CCDC60: variants seen among roughly 807,000 people sequenced by gnomAD.
The protein encoded by CCDC60 is coiled-coil domain-containing protein 60.
CCDC60 carries 54 observed loss-of-function variants against 63.5 expected under a neutral mutation model. That is an observed-to-expected ratio of 0.85 (90% CI 0.68 to 1.07). The LOEUF (loss-of-function observed/expected upper bound fraction) is 1.07, where lower values mean the gene tolerates loss of function less well. Ranked by LOEUF, CCDC60 falls within the 50% of genes least tolerant of loss-of-function variation. The pLI, the probability that CCDC60 is intolerant of heterozygous loss-of-function variation, is 0.00. For synonymous variants in CCDC60, 206 were observed against 238.8 expected, an observed-to-expected ratio of 0.86 and a Z score of 1.27; for missense variants, 651 against 684.3, an observed-to-expected ratio of 0.95 and a Z score of 0.54.
chr12:119,377,254 CAAA>C (rs60100165), intron 1 of CCDC60, among the ~76,000 whole-genome samples: 3 of 47,454 alleles, frequency 6.3e-5, no homozygotes, highest in African/African-American at 1.6e-4. Flanking sequence ...CACTCCATCT[CAAA>C]AAAAAAAAAA....
chr12:119,526,094 G>T (rs1376230777), intron 11 of CCDC60, among the ~76,000 whole-genome samples: 2 of 152,078 alleles, frequency 1.3e-5, no homozygotes, highest in South Asian at 2.1e-4. Context: ...AGAACAGAGA[G>T]CCCAGAGTAA....
chr12:119,358,151 C>T (rs911170239), intron 1 of CCDC60, among the ~76,000 whole-genome samples: 1 of 152,118 alleles, frequency 6.6e-6, no homozygotes, highest in East Asian at 1.9e-4. Flanking sequence ...CCCACCAGGC[C>T]CCACCTCCAA....
Position 119,530,995 on chromosome 12 carries a change from C to T in CCDC60, c.1483C>T (p.Leu495Phe). The change falls in exon 13 of 14, where the codon CTC becomes TTC. Residue 495 changes from leucine to phenylalanine, a missense_variant. By Grantham distance (22) the Leu-to-Phe change is conservative. Transcript: ENST00000327554. ...GGACTTGCGGATTCGACCCCATGTCCTCCTGAAGGTGCTGCAGGATCTGAG... is the reference window on the plus strand; with the variant it reads ...GGACTTGCGGATTCGACCCCATGTCTTCCTGAAGGTGCTGCAGGATCTGAG... ...NLDLRIRPHV[L>F]LKVLQDLRIW... is the part of the protein sequence containing the mutation. 1 of 1,614,148 alleles carries T rather than the reference C, an allele frequency of 6.2e-7. No homozygotes were observed. The highest frequency in any genetic ancestry group is 8.5e-7 in the Non-Finnish European group (1 of 1,179,986).
At chr12:119,376,635 T>A (rs186696442) in intron 1 of CCDC60, among the ~76,000 whole-genome samples, 1 of 151,638 alleles carries the variant, frequency 6.6e-6, no homozygotes, top group African/African-American at 2.4e-5. Flanking sequence ...CTCAAAAAAA[T>A]AAAATAAAAT....
chr12:119,521,536 G>A lies in CCDC60; in HGVS notation c.1040+1344G>A, dbSNP rs190426999. ...GCTATGAGTTGGAAAAGGTGGGAAT[G>A]CTGTTCCAAGCAGGGGGAATAGTGT... On this transcript the variant is annotated intron_variant, in intron 9 of 13. Transcript: ENST00000327554. Among the ~76,000 whole-genome samples the A allele has an allele frequency of 1.1e-4, 16 of 152,252 alleles. No homozygotes were observed. In the East Asian group the frequency reaches 2.9e-3, roughly 28 times the overall value.
intron 1 of CCDC60, among the ~76,000 whole-genome samples, chr12:119,399,268 T>C (rs1956343797): frequency 6.6e-6 from 1 of 152,144 alleles, no homozygotes; most frequent in African/African-American, 2.4e-5. Context: ...CATGGGGTGC[T>C]CAAAAGGAGA....
intron 1 of CCDC60, among the ~76,000 whole-genome samples, chr12:119,401,663 G>A (rs1210842989): frequency 6.6e-6 from 1 of 152,164 alleles, no homozygotes. Context: ...ACTTTTGGAA[G>A]GTTGAATTTA....
chr12:119,472,123 C>G lies in CCDC60; in HGVS notation c.300C>G (p.Ala100=), dbSNP rs753492770. 4 of 1,613,978 alleles carry G rather than the reference C, an allele frequency of 2.5e-6. No individual in the cohort carries two copies. Among genetic ancestry groups the G allele is most frequent in the Non-Finnish European group, 3.4e-6 (4 of 1,180,024 alleles). The change falls in exon 3 of 14, where the codon GCC becomes GCG. Residue 100 remains alanine, a synonymous_variant. Transcript: ENST00000327554. ...KEEERNKFQP[A]EKISEIHYGD... is the part of the protein sequence containing the mutation. ...AGGAAAGAAATAAATTCCAGCCAGCCGAAAAGATCTCAGAAATCCACTATG... is the reference window on the plus strand; with the variant it reads ...AGGAAAGAAATAAATTCCAGCCAGCGGAAAAGATCTCAGAAATCCACTATG...
At chr12:119,461,322 A>T (rs1950853221) in intron 2 of CCDC60, among the ~76,000 whole-genome samples, 1 of 152,140 alleles carries the variant, frequency 6.6e-6, no homozygotes, top group African/African-American at 2.4e-5. Flanking sequence ...TGATTCAGAG[A>T]GGTTTAAAAC....
At chr12:119,339,866 G>T (rs1327717724) in intron 1 of CCDC60, among the ~76,000 whole-genome samples, 3 of 152,042 alleles carry the variant, frequency 2.0e-5, no homozygotes, top group Non-Finnish European at 4.4e-5. Flanking sequence ...CTCCAGCTGG[G>T]GTGTCAGAGC....
intron 1 of CCDC60, among the ~76,000 whole-genome samples, chr12:119,383,581 G>A (rs4131869): frequency 0.076 from 11,528 of 152,322 alleles, 513 homozygotes; most frequent in Middle Eastern, 0.15. Flanking sequence ...AAGGAGCCAG[G>A]ATAGAGAAAG....
chr12:119,456,975 C>G lies in CCDC60; in HGVS notation c.171-15019C>G, dbSNP rs1235033928. ...TGTCTGGGAATGCAGCCCAGTAGGT[C>G]TCAGCATCATTTTACCTAGCCCCAT... On this transcript the variant is annotated intron_variant, in intron 2 of 13. Transcript: ENST00000327554. The surrounding 1 kb of genome is among the most constrained non-coding windows in gnomAD (Gnocchi z 4.6). 6.6e-6 allele frequency among the ~76,000 whole-genome samples: 1 copy of G among 152,224 alleles called. No homozygotes were observed. The highest frequency in any genetic ancestry group is 1.5e-5 in the Non-Finnish European group (1 of 68,040).
intron 2 of CCDC60, among the ~76,000 whole-genome samples, chr12:119,458,057 AT>A (rs1950780853): frequency 6.6e-6 from 1 of 152,042 alleles, no homozygotes; most frequent in Non-Finnish European, 1.5e-5. Flanking sequence ...TCATTCCATC[AT>A]TTTTGCCCTC....
chr12:119,388,828 C>T (rs1956104409), intron 1 of CCDC60, among the ~76,000 whole-genome samples: 1 of 152,158 alleles, frequency 6.6e-6, no homozygotes, highest in Non-Finnish European at 1.5e-5. Flanking sequence ...GACATGCTTT[C>T]TAAATGGTGT....
intron 12 of CCDC60, among the ~76,000 whole-genome samples, 195 bp from the exon 13 acceptor site, chr12:119,530,679 A>T (rs1854092978): frequency 6.6e-6 from 1 of 152,182 alleles, no homozygotes; most frequent in Admixed American, 6.5e-5. Context: ...AATGCAAGTC[A>T]TTCTCCATCT....
chr12:119,408,734 G>C (rs1956539489), intron 1 of CCDC60, among the ~76,000 whole-genome samples: 1 of 152,126 alleles, frequency 6.6e-6, no homozygotes, highest in African/African-American at 2.4e-5. Flanking sequence ...GCTGAGGCAG[G>C]AGAATGGTGT....
intron 1 of CCDC60, among the ~76,000 whole-genome samples, chr12:119,424,184 G>A (rs1355313495): frequency 6.6e-6 from 1 of 152,066 alleles, no homozygotes; most frequent in Non-Finnish European, 1.5e-5. Flanking sequence ...AACCTAATTT[G>A]TATCAGATCA....
intron 1 of CCDC60, among the ~76,000 whole-genome samples, chr12:119,368,012 T>C (rs1206575273): frequency 6.6e-6 from 1 of 150,746 alleles, no homozygotes; most frequent in African/African-American, 2.4e-5. Flanking sequence ...AATGGGTGAA[T>C]TGTATTGTGT....
intron 5 of CCDC60, among the ~76,000 whole-genome samples, chr12:119,491,450 T>C (rs1951581650): frequency 1.3e-5 from 2 of 152,182 alleles, no homozygotes; most frequent in Admixed American, 6.5e-5. Flanking sequence ...TGCCTCAGCC[T>C]CCTGAGCAGC....
Sources: allele counts gnomAD v4.1 joint callset (sites outside exome capture counted in the v4.1 genomes callset), GRCh38; gene constraint gnomAD v4.1.1; non-coding constraint Gnocchi (gnomAD v3.1); transcripts MANE v1.5; gene names NCBI Gene and HGNC (gene_info 2026-07-23, HGNC 2026-07-21).